Variants in SLC14A2 observed in about 807,000 individuals in gnomAD.
SLC14A2 encodes the protein urea transporter 2.
Under a neutral mutation model 104.6 loss-of-function variants are expected in SLC14A2, and 91 were observed. The observed-to-expected ratio is 0.87, with a 90% CI of 0.73 to 1.04. The LOEUF is 1.04. SLC14A2 is among the 50% of genes least tolerant of loss of function. SLC14A2 has a pLI of 0.00. For synonymous variants in SLC14A2, 476 were observed against 466.4 expected, an observed-to-expected ratio of 1.02 and a Z score of -0.27; for missense variants, 1,189 against 1,156.0, an observed-to-expected ratio of 1.03 and a Z score of -0.41.
chr18:45,598,284 G>C (rs1568292435), intron 2 of SLC14A2, among the ~76,000 whole-genome samples: 1 of 151,962 alleles, frequency 6.6e-6, no homozygotes, highest in Non-Finnish European at 1.5e-5. Context: ...TGTTTGAAAT[G>C]ATCTCTCTGT....
rs1424995743 is a variant in SLC14A2, at chr18:45,565,000, C to T, written c.-34-59631C>T. On this transcript the variant is annotated intron_variant, in intron 2 of 20. Transcript: ENST00000586448. ...AGGCCCAGGAAGTCAGGAGGTGGAACTTGAACTGGATACAATTCAGATAGC... is the reference window on the plus strand; with the variant it reads ...AGGCCCAGGAAGTCAGGAGGTGGAATTTGAACTGGATACAATTCAGATAGC... Among the ~76,000 whole-genome samples, 7 of 152,088 alleles carry T rather than the reference C, an allele frequency of 4.6e-5. No homozygotes were observed. The East Asian group carries it at 1.2e-3, about 25-fold the overall frequency.
chr18:45,498,759 C>T lies in SLC14A2; in HGVS notation c.-35+15437C>T, dbSNP rs2043143578. 5.9e-5 allele frequency among the ~76,000 whole-genome samples: 9 copies of T among 152,218 alleles called. No individual in the cohort carries two copies. In the South Asian group the frequency reaches 1.9e-3, roughly 32 times the overall value. ...AAGAAAAAAAGAGAGAGAGAACTTT[C>T]CTTGGTCCTGCTTTCCCCTCCAAGC... On this transcript the variant is annotated intron_variant, in intron 2 of 20. Transcript: ENST00000586448.
At chr18:45,479,050 C>G (rs1243850579) in intron 1 of SLC14A2, among the ~76,000 whole-genome samples, 1 of 152,180 alleles carries the variant, frequency 6.6e-6, no homozygotes, top group Admixed American at 6.5e-5. Flanking sequence ...GCAGCAGACA[C>G]CTTTCAGCAT....
intron 2 of SLC14A2, among the ~76,000 whole-genome samples, chr18:45,495,139 C>T (rs1049237003): frequency 1.3e-5 from 2 of 151,994 alleles, no homozygotes; most frequent in East Asian, 1.9e-4. Flanking sequence ...CCCTACCTCT[C>T]GGTCAATACT....
At chr18:45,229,098 T>C (rs1198205079) in intron 1 of SLC14A2, among the ~76,000 whole-genome samples, 1 of 152,178 alleles carries the variant, frequency 6.6e-6, no homozygotes, top group East Asian at 1.9e-4. Flanking sequence ...CTGTGAATTA[T>C]TGGCCTGTAG....
Position 45,387,175 on chromosome 18 carries a change from T to G in SLC14A2, c.-124-96058T>G, listed in dbSNP as rs555217521. ...TATCTCCCTTACAACTTCTGTATGT[T>G]ACAACCATGTATGGCCATCTCTTTT... On this transcript the variant is annotated intron_variant, in intron 1 of 20. Coordinates refer to the SLC14A2 transcript ENST00000586448. Among the ~76,000 whole-genome samples the G allele has an allele frequency of 2.6e-5, 4 of 152,376 alleles. No homozygotes were observed. The South Asian group carries it at 8.3e-4, about 32-fold the overall frequency.
the SLC14A2 span, among the ~76,000 whole-genome samples, chr18:45,185,584 G>A: frequency 6.6e-6 from 1 of 152,134 alleles, no homozygotes; most frequent in Admixed American, 6.6e-5. Flanking sequence ...AAGTTAGGAA[G>A]AAGACAAGGA....
intron 1 of SLC14A2, among the ~76,000 whole-genome samples, chr18:45,468,235 AAG>A (rs1457394735): frequency 2.6e-5 from 4 of 152,284 alleles, no homozygotes; most frequent in Admixed American, 2.6e-4. Context: ...AACTCAGGCA[AAG>A]AGAACAAAAG....
At chr18:45,511,947 C>G (rs1174814441) in intron 2 of SLC14A2, among the ~76,000 whole-genome samples, 5 of 152,130 alleles carry the variant, frequency 3.3e-5, no homozygotes, top group Admixed American at 6.5e-5. Flanking sequence ...TGTTTGAAGA[C>G]AGGTAGACTG....
chr18:45,179,281 C>T, the SLC14A2 span, among the ~76,000 whole-genome samples: 8 of 152,250 alleles, frequency 5.3e-5, no homozygotes, highest in East Asian at 1.2e-3. Context: ...GTCGGAGAGG[C>T]CATTGCAGAG....
At chr18:45,387,088 C>G (rs2543015) in intron 1 of SLC14A2, among the ~76,000 whole-genome samples, 102,072 of 152,076 alleles carry the variant, frequency 0.67, 35,376 homozygotes, top group East Asian at 0.88. Flanking sequence ...GCTACTACTT[C>G]CATTGGGCCC....
chr18:45,213,396 T>C (rs1020447056), intron 1 of SLC14A2, among the ~76,000 whole-genome samples: 1 of 152,194 alleles, frequency 6.6e-6, no homozygotes, highest in African/African-American at 2.4e-5. Context: ...AGAGATGAGA[T>C]GGTACTGGTC....
rs866707807 is a variant in SLC14A2, at chr18:45,365,779, C to A, written c.-124-117454C>A. Among the ~76,000 whole-genome samples the A allele has an allele frequency of 5.3e-5, 8 of 152,262 alleles. No individual in the cohort carries two copies. The South Asian group carries it at 8.3e-4, about 16-fold the overall frequency. On this transcript the variant is annotated intron_variant, in intron 1 of 20. Coordinates refer to the SLC14A2 transcript ENST00000586448. ...TGCGTTCAAATCACAGTGCTACCAC[C>A]TGGCTTAGAGCAAGCACTGTCTGTG...
chr18:45,394,611 A>G (rs2086008509), intron 1 of SLC14A2, among the ~76,000 whole-genome samples: 1 of 152,188 alleles, frequency 6.6e-6, no homozygotes, highest in African/African-American at 2.4e-5. Flanking sequence ...AGTGATATGG[A>G]GTATATTTTC....
At chr18:45,615,674 G>A (rs564926248) in intron 1 of SLC14A2, 92 bp downstream of exon 1, 1 of 151,796 alleles carries the variant, frequency 6.6e-6, no homozygotes, top group Admixed American at 6.6e-5. Context: ...GACTATTGCA[G>A]TGGGGGAGCC....
At chr18:45,660,246 T>A (rs997768809) in intron 10 of SLC14A2, among the ~76,000 whole-genome samples, 1 of 152,158 alleles carries the variant, frequency 6.6e-6, no homozygotes, top group Non-Finnish European at 1.5e-5. Flanking sequence ...AATGGCATAA[T>A]CCTGGCTGTC....
intron 1 of SLC14A2, among the ~76,000 whole-genome samples, chr18:45,248,280 C>T (rs950661698): frequency 5.3e-5 from 8 of 152,074 alleles, no homozygotes; most frequent in Non-Finnish European, 1.2e-4. Flanking sequence ...TTGTCAAACC[C>T]ATTTTATCGT....
At chr18:45,198,481 G>A in the SLC14A2 span, among the ~76,000 whole-genome samples, 5 of 152,038 alleles carry the variant, frequency 3.3e-5, no homozygotes, top group Non-Finnish European at 5.9e-5. Context: ...AGGCATCGAT[G>A]CTATATACAA....
chr18:45,639,179 G>A (rs537909295), intron 6 of SLC14A2, among the ~76,000 whole-genome samples: 1 of 152,324 alleles, frequency 6.6e-6, no homozygotes, highest in Admixed American at 6.5e-5. Flanking sequence ...CAGGGTAGCA[G>A]TGAATGGGCA....
Sources: allele counts gnomAD v4.1 joint callset (sites outside exome capture counted in the v4.1 genomes callset), GRCh38; gene constraint gnomAD v4.1.1; transcripts MANE v1.5; gene names NCBI Gene and HGNC (gene_info 2026-07-23, HGNC 2026-07-21).